The following ZNF638 variants were observed in gnomAD, a reference collection of about 807,000 sequenced individuals.
ZNF638 encodes the protein CTCL tumor antigen se33-1.
A neutral mutation model predicts 195.6 loss-of-function variants in ZNF638; 46 were observed. The ratio of observed to expected loss-of-function variants is 0.24; its 90% confidence interval spans 0.19 to 0.30. The LOEUF is 0.30. Ranked by LOEUF, ZNF638 falls within the 10% of genes least tolerant of loss-of-function variation. ZNF638 has a pLI of 1.00. For synonymous variants in ZNF638, 845 were observed against 772.0 expected (o/e 1.09, Z -1.57); for missense variants, 2,440 against 2,325.3 (o/e 1.05, Z -1.01).
At chr2:71,369,602 A>G (rs926092402) in intron 7 of ZNF638, among the ~76,000 whole-genome samples, 2 of 152,146 alleles carry the variant, frequency 1.3e-5, no homozygotes, top group Non-Finnish European at 2.9e-5. Context: ...CCTGTTGTTC[A>G]GTGAGCCCTG....
rs1249221221 is a variant in ZNF638, at chr2:71,350,218, A to G, written c.1264A>G (p.Arg422Gly). ...GAATGATTATTATGCAGCATCTCCAAGAATATTTCCACATTTGTGTTCTCT... is the reference window on the plus strand; with the variant it reads ...GAATGATTATTATGCAGCATCTCCAGGAATATTTCCACATTTGTGTTCTCT... The part of the protein sequence containing the change: ...MMNDYYAASP[R>G]IFPHLCSLCN... The change falls in exon 2 of 28, where the codon AGA becomes GGA. Residue 422 changes from arginine (R) to glycine (G), a missense_variant. By Grantham distance (125) the Arg-to-Gly change is moderately radical. This residue lies in a region of ZNF638 where 37 missense variants were observed against 75.7 expected (regional missense o/e 0.49). Transcript: ENST00000264447. The G allele has an allele frequency of 1.2e-6, 2 of 1,606,254 alleles. No individual in the cohort carries two copies. Among genetic ancestry groups the G allele is most frequent in the Admixed American group, 1.7e-5 (1 of 60,026 alleles).
Position 71,366,186 on chromosome 2 carries a change from C to CA in ZNF638, c.1995+486dup, listed in dbSNP as rs2079196383. On this transcript the variant is annotated intron_variant, in intron 6 of 27. Transcript: ENST00000264447. ...GCTACGTGGTGGAACTCCCTCTCTA[C>CA]AAAAAATATAAAAATGAGCTGGGGG... Among the ~76,000 whole-genome samples, 4 of 152,082 alleles carry CA rather than the reference C, an allele frequency of 2.6e-5. No individual in the cohort carries two copies. The South Asian group carries it at 6.2e-4, about 24-fold the overall frequency.
Position 71,423,965 on chromosome 2 carries a change from G to C in ZNF638, c.4451G>C (p.Arg1484Thr), listed in dbSNP as rs2152603296. The change falls in exon 22 of 28, where the codon AGA becomes ACA. Residue 1484 changes from arginine to threonine, a missense_variant. Arg to Thr is a moderately conservative substitution (Grantham distance 71, BLOSUM62 -1). Coordinates refer to ENST00000264447, the MANE Select transcript of ZNF638 (RefSeq NM_014497.5). Reference sequence around the variant, plus strand: ...GGCAAGCTTTCTAAACTGGATTACAGAGATATAACAAAACAATCTCAGGAA... The same window carrying C: ...GGCAAGCTTTCTAAACTGGATTACACAGATATAACAAAACAATCTCAGGAA... ...LQGKLSKLDY[R>T]DITKQSQETE... 6.2e-7 allele frequency: 1 copy of C among 1,614,092 alleles called. No homozygotes were observed. The highest frequency in any genetic ancestry group is 8.5e-7 in the Non-Finnish European group (1 of 1,179,994).
At chr2:71,425,762 C>T (rs1006335621) in intron 23 of ZNF638, among the ~76,000 whole-genome samples, 10 of 151,994 alleles carry the variant, frequency 6.6e-5, no homozygotes, top group African/African-American at 2.2e-4. Flanking sequence ...CTCTGCCTCC[C>T]AGGTTCAAGT....
intron 14 of ZNF638, 93 bp downstream of exon 14, chr2:71,400,273 T>C (rs900313317): frequency 5.3e-6 from 6 of 1,122,110 alleles, no homozygotes; most frequent in South Asian, 4.8e-5. Flanking sequence ...TTCATGTCTT[T>C]ATCTCTTAAT....
intron 11 of ZNF638, among the ~76,000 whole-genome samples, chr2:71,396,623 C>T (rs1360410893): frequency 6.6e-6 from 1 of 152,158 alleles, no homozygotes; most frequent in Non-Finnish European, 1.5e-5. Flanking sequence ...AGGGTCATCT[C>T]TTTAAGTGGA....
At position 71,401,951 on chromosome 2, in the gene ZNF638, T is replaced by G; in HGVS notation, c.2698-5T>G. 1.9e-6 allele frequency: 3 copies of G among 1,552,146 alleles called. No homozygotes were observed. Among genetic ancestry groups the G allele is most frequent in the South Asian group, 1.2e-5 (1 of 82,152 alleles). Reference sequence around the variant, plus strand: ...AATAACAGGTTTTAAAAATTTGTTTTGAAGGAAACAGAAGAAATGTGTGTG... The same window carrying G: ...AATAACAGGTTTTAAAAATTTGTTTGGAAGGAAACAGAAGAAATGTGTGTG... On this transcript the variant is annotated splice_polypyrimidine_tract_variant and splice_region_variant and intron_variant, in intron 15 of 27. Coordinates refer to ENST00000264447, the MANE Select transcript of ZNF638 (RefSeq NM_014497.5).
chr2:71,388,225 C>G (rs1558861079), intron 10 of ZNF638, among the ~76,000 whole-genome samples: 1 of 152,154 alleles, frequency 6.6e-6, no homozygotes, highest in Admixed American at 6.5e-5. Context: ...TTCTCTTACC[C>G]TGAGGCTAAG....
intron 1 of ZNF638, among the ~76,000 whole-genome samples, chr2:71,334,931 AAC>A (rs1180810465): frequency 2.0e-5 from 3 of 152,084 alleles, no homozygotes; most frequent in African/African-American, 7.2e-5. Flanking sequence ...CAAAAAAAAA[AAC>A]AAAAAAAACT....
chr2:71,385,482 T>A (rs1385312838), intron 10 of ZNF638, among the ~76,000 whole-genome samples: 1 of 117,824 alleles, frequency 8.5e-6, no homozygotes, highest in African/African-American at 2.5e-5. Context: ...GAGAACAGAT[T>A]AGTGATAGTC....
At chr2:71,406,356 C>T in intron 19 of ZNF638, 94 bp downstream of exon 19, 2 of 1,103,212 alleles carry the variant, frequency 1.8e-6, no homozygotes, top group Non-Finnish European at 2.6e-6. Flanking sequence ...TCTGAAGCAC[C>T]TGTAAATATT....
Position 71,336,372 on chromosome 2 carries a change from CAAAAAAAA to C in ZNF638, c.-203+4518_-203+4525del, listed in dbSNP as rs66593443. Among the ~76,000 whole-genome samples, 8 of 105,538 alleles carry C rather than the reference CAAAAAAAA, an allele frequency of 7.6e-5. No individual in the cohort carries two copies. In the East Asian group the frequency reaches 1.6e-3, roughly 21 times the overall value. 69.2% of individuals were successfully genotyped at this position (105,538 alleles called of 152,430 possible). ...GGCAACAAGAGTGAAATTCCATCTC[CAAAAAAAA>C]AAAAAAAAAAAAAAAAAAAACCAAA... On this transcript the variant is annotated intron_variant, in intron 1 of 27. Transcript: ENST00000264447.
chr2:71,389,028 T>C (rs1415483206), intron 10 of ZNF638, among the ~76,000 whole-genome samples: 1 of 152,146 alleles, frequency 6.6e-6, no homozygotes, highest in African/African-American at 2.4e-5. Flanking sequence ...ATCTTTAACC[T>C]TATGGGCCTT....
At chr2:71,434,499 T>C (rs12617998) in intron 27 of ZNF638, among the ~76,000 whole-genome samples, 14,684 of 152,210 alleles carry the variant, frequency 0.096, 1,382 homozygotes, top group East Asian at 0.55. Flanking sequence ...TAAGCTTTAT[T>C]GTATAAAAGA....
At position 71,336,834 on chromosome 2, in the gene ZNF638, C is replaced by T. The variant is rs145704912; in HGVS notation, c.-203+4959C>T. 3.5e-3 allele frequency among the ~76,000 whole-genome samples: 534 copies of T among 152,314 alleles called. 4 individuals carry two copies. Among genetic ancestry groups the T allele is most frequent in the African/African-American group, 0.012 (507 of 41,556 alleles). ...AAACACTGAATGTAGGGTCTAAGTT[C>T]TTAAAGACTGTGCTGCACTACCTCT... On this transcript the variant is annotated intron_variant, in intron 1 of 27. Coordinates refer to ENST00000264447, the MANE Select transcript of ZNF638 (RefSeq NM_014497.5).
intron 21 of ZNF638, among the ~76,000 whole-genome samples, chr2:71,419,528 A>C (rs1212197593): frequency 1.3e-5 from 2 of 152,212 alleles, no homozygotes; most frequent in African/African-American, 2.4e-5. Flanking sequence ...TTAGTTGACA[A>C]AGATGATGAG....
intron 1 of ZNF638, among the ~76,000 whole-genome samples, chr2:71,336,996 G>T (rs968817804): frequency 1.3e-5 from 2 of 152,160 alleles, no homozygotes; most frequent in African/African-American, 4.8e-5. Flanking sequence ...GATTATTATG[G>T]ATTGCATAAT....
intron 3 of ZNF638, among the ~76,000 whole-genome samples, chr2:71,362,400 T>C (rs1428441849): frequency 6.6e-6 from 1 of 152,224 alleles, no homozygotes; most frequent in Non-Finnish European, 1.5e-5. Context: ...TCTGAAAACA[T>C]TCCTGTTATC....
intron 11 of ZNF638, among the ~76,000 whole-genome samples, chr2:71,397,962 T>C (rs1403982980): frequency 6.6e-6 from 1 of 152,202 alleles, no homozygotes; most frequent in African/African-American, 2.4e-5. Flanking sequence ...TCTTGAATGC[T>C]TTCTAATCAA....
Sources: allele counts gnomAD v4.1 joint callset (sites outside exome capture counted in the v4.1 genomes callset), GRCh38; gene constraint gnomAD v4.1.1; regional missense constraint gnomAD v4.1.1; transcripts MANE v1.5; gene names NCBI Gene and HGNC (gene_info 2026-07-23, HGNC 2026-07-21).